Variants in SREBF2 observed in about 807,000 individuals in gnomAD.
SREBF2 encodes sterol regulatory element-binding protein 2.
In SREBF2, 55 loss-of-function variants were observed where a neutral mutation model predicts 113.1. That is an observed-to-expected ratio of 0.49 (90% confidence interval 0.39 to 0.61). SREBF2 has a LOEUF of 0.61. Among genes scored for constraint, SREBF2 ranks in the 20% least tolerant of loss-of-function variants. SREBF2 has a pLI of 0.00. For synonymous variants in SREBF2, 593 were observed against 605.7 expected, an observed-to-expected ratio of 0.98 and a Z score of 0.31; for missense variants, 1,349 against 1,487.4, an observed-to-expected ratio of 0.91 and a Z score of 1.53.
intron 11 of SREBF2, chr22:41,886,445 A>C (rs1488760825): frequency 6.6e-6 from 1 of 152,110 alleles, no homozygotes; most frequent in African/African-American, 2.4e-5. Flanking sequence ...ATGTCATTAC[A>C]TTTGTAACTT....
At chr22:41,845,805 G>A (rs1355323333) in intron 1 of SREBF2, among the ~76,000 whole-genome samples, 1 of 152,216 alleles carries the variant, frequency 6.6e-6, no homozygotes, top group African/African-American at 2.4e-5. Context: ...AGGAATATGT[G>A]TGTCAGAGTA....
intron 11 of SREBF2, among the ~76,000 whole-genome samples, chr22:41,892,502 G>A (rs1384837354): frequency 1.3e-5 from 2 of 151,858 alleles, no homozygotes; most frequent in Non-Finnish European, 2.9e-5. Context: ...ACAAAAATTA[G>A]CCGGGCATGG....
intron 12 of SREBF2, 72 bp from the exon 13 acceptor site, chr22:41,894,748 T>C (rs2077396865): frequency 7.5e-7 from 1 of 1,332,512 alleles, no homozygotes; most frequent in Non-Finnish European, 1.1e-6. Context: ...GTGTTTGGAG[T>C]TTCTCTCCGT....
At chr22:41,903,290 C>A (rs2077480499) in intron 17 of SREBF2, 135 bp downstream of exon 17, 2 of 1,091,968 alleles carry the variant, frequency 1.8e-6, no homozygotes, top group South Asian at 1.4e-5. Context: ...CGAGCACCTG[C>A]TTGGCTCGTG....
chr22:41,870,720 C>T (rs552400499), intron 3 of SREBF2, among the ~76,000 whole-genome samples, 169 bp from the exon 4 acceptor site: 3 of 151,826 alleles, frequency 2.0e-5, no homozygotes, highest in South Asian at 2.1e-4. Context: ...ACAAAATAGC[C>T]GGCTTTTGAA....
intron 13 of SREBF2, among the ~76,000 whole-genome samples, chr22:41,895,868 A>G (rs1277645960): frequency 6.7e-6 from 1 of 149,860 alleles, no homozygotes; most frequent in African/African-American, 2.5e-5. Context: ...GGCTGGGTGC[A>G]GTGGCTCACG....
At position 41,880,780 on chromosome 22, in the gene SREBF2, C is replaced by T. The variant is rs2077237422; in HGVS notation, c.1826C>T (p.Pro609Leu). ...TCLAVLGRAL[P>L]TSRLDLACSL... ...CTGGCAGTTTTGGGCCGGGCACTGCCCACCTCCCGCCTGGACCTGGCCTGC... is the reference window on the plus strand; with the variant it reads ...CTGGCAGTTTTGGGCCGGGCACTGCTCACCTCCCGCCTGGACCTGGCCTGC... Residue 609 changes from proline (P) to leucine (L), a missense_variant, in exon 10 of 19, where the codon CCC (proline) becomes CTC (leucine). By Grantham distance (98) the Pro-to-Leu change is moderately conservative. Around this residue, in one of 2 missense-constraint regions of SREBF2, gnomAD observed 699 missense variants for 843.3 expected, o/e 0.83. Coordinates refer to ENST00000361204, the MANE Select transcript of SREBF2 (RefSeq NM_004599.4). The T allele has an allele frequency of 6.2e-7, 1 of 1,614,054 alleles. No individual in the cohort carries two copies. The highest frequency in any genetic ancestry group is 1.3e-5 in the African/African-American group (1 of 74,938).
intron 11 of SREBF2, among the ~76,000 whole-genome samples, chr22:41,887,769 C>T (rs541052575): frequency 7.5e-4 from 114 of 152,286 alleles, no homozygotes; most frequent in African/African-American, 2.6e-3. Context: ...AATTGTTGGC[C>T]ATTCTCCACT....
Position 41,898,755 on chromosome 22 carries a change from C to T in SREBF2, c.2712C>T (p.Arg904=). ...GCTCTCATTTTACCAAAGTGGAACG[C>T]ATCCCCAAGGCCCTGGAAGTGACAG... ...AVRSHFTKVE[R]IPKALEVTES... is the part of the protein sequence containing the mutation. The change falls in exon 15 of 19, where the codon CGC becomes CGT. Residue 904 remains arginine, a synonymous_variant. Transcript: ENST00000361204. 2 of 1,614,182 alleles carry T rather than the reference C, an allele frequency of 1.2e-6. No individual in the cohort carries two copies. The highest frequency in any genetic ancestry group is 1.7e-6 in the Non-Finnish European group (2 of 1,180,032).
At chr22:41,879,139 G>C (rs1171403486) in intron 9 of SREBF2, among the ~76,000 whole-genome samples, 1 of 152,202 alleles carries the variant, frequency 6.6e-6, no homozygotes, top group African/African-American at 2.4e-5. Context: ...AGGATTACAG[G>C]CATGAGCCAC....
chr22:41,854,063 A>T (rs2076955950), intron 1 of SREBF2, among the ~76,000 whole-genome samples: 1 of 151,268 alleles, frequency 6.6e-6, no homozygotes, highest in Non-Finnish European at 1.5e-5. Context: ...AGAAAGCATG[A>T]TCACCATTTT....
In SREBF2 at chr22:41,898,675, A is replaced by G; in HGVS notation, c.2632A>G (p.Thr878Ala). The G allele has an allele frequency of 6.2e-7, 1 of 1,613,712 alleles. No homozygotes were observed. The highest frequency in any genetic ancestry group is 1.1e-5 in the South Asian group (1 of 91,010). Reference sequence around the variant, plus strand: ...TCCAGACATCATCTGTCGGTGGTGGACGTCTGCAATCACTGTGGCCATCAG... The same window carrying G: ...TCCAGACATCATCTGTCGGTGGTGGGCGTCTGCAATCACTGTGGCCATCAG... Reference protein sequence around the residue: ...LGPDIICRWWTSAITVAISWL... With the variant: ...LGPDIICRWWASAITVAISWL... The change falls in exon 15 of 19, where the codon ACG becomes GCG. Residue 878 changes from threonine to alanine, a missense_variant. Thr to Ala is a moderately conservative substitution (Grantham distance 58). Around this residue, in one of 2 missense-constraint regions of SREBF2, gnomAD observed 650 missense variants for 644.1 expected, o/e 1.01. Transcript: ENST00000361204.
In SREBF2 at chr22:41,852,969, C is replaced by T. The variant is rs146948890; in HGVS notation, c.89-13862C>T. Among the ~76,000 whole-genome samples, 1,085 of 152,038 alleles carry T rather than the reference C, an allele frequency of 7.1e-3. 17 individuals are homozygous for T. Among genetic ancestry groups the T allele is most frequent in the African/African-American group, 0.025 (1,037 of 41,474 alleles). On this transcript the variant is annotated intron_variant, in intron 1 of 18. Coordinates refer to ENST00000361204, the MANE Select transcript of SREBF2 (RefSeq NM_004599.4). ...TTCACCATGTTGGCCAGGCTTGTCT[C>T]GAACTCCTGACCTCAAGTGATCCAC...
chr22:41,904,486 C>G, intron 17 of SREBF2: 1 of 475,118 alleles, frequency 2.1e-6, no homozygotes, highest in Non-Finnish European at 4.3e-6. Context: ...CCAACTGTCC[C>G]TCCTCACCCC....
At chr22:41,904,683 C>T (rs368844783) in intron 17 of SREBF2, 180 bp from the exon 18 acceptor site, 1 of 715,600 alleles carries the variant, frequency 1.4e-6, no homozygotes, top group Admixed American at 2.0e-5. Flanking sequence ...GCCAGGTTTC[C>T]TGCCTGGCTC....
intron 15 of SREBF2, 24 bp from the exon 16 acceptor site, chr22:41,900,306 C>G: frequency 6.2e-7 from 1 of 1,609,130 alleles, no homozygotes; most frequent in Non-Finnish European, 8.5e-7. Context: ...TGACCTGCCT[C>G]TCGACTCCCT....
chr22:41,888,651 C>G (rs1032539052), intron 11 of SREBF2, among the ~76,000 whole-genome samples: 2 of 152,166 alleles, frequency 1.3e-5, no homozygotes, highest in Middle Eastern at 3.2e-3. Flanking sequence ...TGGGTTGTTT[C>G]CAGTATTTGC....
At chr22:41,847,358 T>A (rs2076886253) in intron 1 of SREBF2, among the ~76,000 whole-genome samples, 1 of 152,176 alleles carries the variant, frequency 6.6e-6, no homozygotes, top group Non-Finnish European at 1.5e-5. Flanking sequence ...AGTCTCACTC[T>A]GCATCTCACT....
intron 1 of SREBF2, among the ~76,000 whole-genome samples, chr22:41,857,404 C>A (rs1019643466): frequency 6.6e-6 from 1 of 152,140 alleles, no homozygotes; most frequent in Admixed American, 6.6e-5. Flanking sequence ...CCATGAGAGG[C>A]GGGGAGAGAG....
Sources: gnomAD v4.1 joint callset for allele counts (sites outside exome capture counted in the v4.1 genomes callset) on GRCh38, gnomAD v4.1.1 for gene constraint, gnomAD v4.1.1 regional missense constraint, MANE v1.5 for transcripts, NCBI Gene and HGNC (gene_info 2026-07-23, HGNC 2026-07-21) for gene names.